Variants in HCRTR2 observed in about 807,000 individuals in gnomAD.
The protein encoded by HCRTR2 is orexin receptor type 2.
In HCRTR2, 22 loss-of-function variants were observed where a neutral mutation model predicts 49.0. The observed-to-expected ratio is 0.45, with a 90% CI of 0.32 to 0.64. HCRTR2 has a LOEUF of 0.64. Among genes scored for constraint, HCRTR2 ranks in the 30% least tolerant of loss-of-function variants. The probability of loss-of-function intolerance (pLI) is 0.04; values close to 1 mark genes in which losing one functional copy is unlikely to be tolerated. For synonymous variants in HCRTR2, 236 were observed against 205.3 expected (o/e 1.15, Z -1.28); for missense variants, 491 against 559.4 (o/e 0.88, Z 1.23).
At chr6:55,234,752 T>C (rs1766182568) in intron 1 of HCRTR2, among the ~76,000 whole-genome samples, 1 of 152,120 alleles carries the variant, frequency 6.6e-6, no homozygotes, top group Non-Finnish European at 1.5e-5. Flanking sequence ...GTGTAAAAAC[T>C]AGTACTGCAC....
chr6:55,113,849 G>A (rs1450519665), intron 1 of HCRTR2, among the ~76,000 whole-genome samples: 1 of 151,892 alleles, frequency 6.6e-6, no homozygotes, highest in Non-Finnish European at 1.5e-5. Flanking sequence ...GTGCATACAT[G>A]TTTATGGCAG....
chr6:55,108,836 AG>A (rs1322451979), intron 1 of HCRTR2, among the ~76,000 whole-genome samples: 1 of 152,070 alleles, frequency 6.6e-6, no homozygotes, highest in African/African-American at 2.4e-5. Flanking sequence ...GTTGGGGTGA[AG>A]GGAGAGAGCA....
intron 1 of HCRTR2, among the ~76,000 whole-genome samples, chr6:55,229,591 GA>G (rs1766076050): frequency 6.6e-6 from 1 of 152,126 alleles, no homozygotes; most frequent in Non-Finnish European, 1.5e-5. Context: ...CAACATCATA[GA>G]TGAACCTGCA....
intron 1 of HCRTR2, among the ~76,000 whole-genome samples, chr6:55,205,155 G>A (rs2127287388): frequency 6.6e-6 from 1 of 152,274 alleles, no homozygotes; most frequent in South Asian, 2.1e-4. Flanking sequence ...GAATATATGA[G>A]AATGGAGTTT....
At chr6:55,254,642 C>T (rs1766614970) in intron 2 of HCRTR2, among the ~76,000 whole-genome samples, 1 of 152,028 alleles carries the variant, frequency 6.6e-6, no homozygotes, top group African/African-American at 2.4e-5. Flanking sequence ...ATGAAATAAG[C>T]TACCCATAAT....
intron 1 of HCRTR2, among the ~76,000 whole-genome samples, chr6:55,241,857 A>G (rs1766338488): frequency 8.8e-6 from 1 of 113,206 alleles, no homozygotes; most frequent in South Asian, 2.7e-4. Flanking sequence ...TACTATGGCA[A>G]CTAATTTTTT....
chr6:55,227,909 T>A lies in HCRTR2; in HGVS notation c.224-20730T>A, dbSNP rs565321993. On this transcript the variant is annotated intron_variant, in intron 1 of 6. Transcript: ENST00000370862. ...GAAATAAGATAGGGTATAACAGTGA[T>A]TATTTTTCCTAATAAGTAGTGTCAT... 4.0e-4 allele frequency among the ~76,000 whole-genome samples: 61 copies of A among 152,296 alleles called. 1 individual carries two copies. In the South Asian group the frequency reaches 0.012, roughly 30 times the overall value.
intron 3 of HCRTR2, among the ~76,000 whole-genome samples, chr6:55,263,072 AG>A (rs56013615): frequency 0.041 from 6,274 of 152,020 alleles, 174 homozygotes; most frequent in Middle Eastern, 0.086. Context: ...TTTTAATAAA[AG>A]CATACACACA....
chr6:55,173,000 T>C (rs1445426899), upstream of HCRTR2, among the ~76,000 whole-genome samples: 1 of 152,190 alleles, frequency 6.6e-6, no homozygotes, highest in Admixed American at 6.5e-5. Flanking sequence ...TTGCAAGATA[T>C]TGACAATTGT....
At chr6:55,276,224 A>G (rs1767074391) in intron 4 of HCRTR2, among the ~76,000 whole-genome samples, 1 of 152,192 alleles carries the variant, frequency 6.6e-6, no homozygotes, top group Non-Finnish European at 1.5e-5. Context: ...TTTATCCGAT[A>G]TTTTCCATTC....
intron 1 of HCRTR2, among the ~76,000 whole-genome samples, chr6:55,166,978 T>C (rs1764886637): frequency 1.5e-5 from 2 of 129,692 alleles, no homozygotes; most frequent in Non-Finnish European, 3.3e-5. Flanking sequence ...ATTTCCAGAA[T>C]TGTCAGATCC....
At chr6:55,205,221 A>G (rs888794772) in intron 1 of HCRTR2, among the ~76,000 whole-genome samples, 6 of 152,230 alleles carry the variant, frequency 3.9e-5, no homozygotes, top group Non-Finnish European at 7.3e-5. Flanking sequence ...CATACTTGGT[A>G]TCTAAAGCTG....
intron 1 of HCRTR2, among the ~76,000 whole-genome samples, chr6:55,161,669 G>A (rs1764807736): frequency 1.3e-5 from 2 of 152,118 alleles, no homozygotes; most frequent in African/African-American, 4.8e-5. Flanking sequence ...TGATCCCACA[G>A]AAATACAAAC....
intron 3 of HCRTR2, among the ~76,000 whole-genome samples, chr6:55,258,472 G>A (rs577743357): frequency 6.6e-6 from 1 of 152,100 alleles, no homozygotes; most frequent in East Asian, 1.9e-4. Context: ...CCAGCAATAT[G>A]TAATTATATA....
At chr6:55,163,576 C>A (rs9475187) in intron 1 of HCRTR2, among the ~76,000 whole-genome samples, 5,304 of 152,138 alleles carry the variant, frequency 0.035, 304 homozygotes, top group African/African-American at 0.12. Flanking sequence ...TAGCCATATG[C>A]AGAAAACTGA....
chr6:55,284,595 C>T (rs1767251944), downstream of HCRTR2, among the ~76,000 whole-genome samples: 3 of 152,084 alleles, frequency 2.0e-5, no homozygotes. Flanking sequence ...ACCATCATCG[C>T]TACCGTCAAC....
At chr6:55,156,263 T>C (rs1581798361) in intron 1 of HCRTR2, among the ~76,000 whole-genome samples, 2 of 151,962 alleles carry the variant, frequency 1.3e-5, no homozygotes, top group African/African-American at 4.8e-5. Flanking sequence ...CCATTTCTAA[T>C]TACATTTTCC....
chr6:55,196,432 GATGATTAGAC>G lies in HCRTR2; in HGVS notation c.223+21625_223+21634del, dbSNP rs536009277. Reference sequence around the variant, plus strand: ...CCCCACCTAACCTTTAGCCACTTGGGATGATTAGACATAGAGGTGCCTAAGATCTTTCCCT... The same window carrying G: ...CCCCACCTAACCTTTAGCCACTTGGGATAGAGGTGCCTAAGATCTTTCCCT... On this transcript the variant is annotated intron_variant, in intron 1 of 6. Transcript: ENST00000370862. Among the ~76,000 whole-genome samples the G allele has an allele frequency of 2.7e-4, 41 of 152,252 alleles. No individual in the cohort carries two copies. The East Asian group carries it at 7.3e-3, about 27-fold the overall frequency.
intron 1 of HCRTR2, among the ~76,000 whole-genome samples, chr6:55,243,689 T>G (rs1766377166): frequency 6.6e-6 from 1 of 152,036 alleles, no homozygotes; most frequent in Non-Finnish European, 1.5e-5. Context: ...GTATTTTTGT[T>G]GGGAGAAAAG....
Sources: allele counts gnomAD v4.1 joint callset (sites outside exome capture counted in the v4.1 genomes callset), GRCh38; gene constraint gnomAD v4.1.1; transcripts MANE v1.5; gene names NCBI Gene and HGNC (gene_info 2026-07-23, HGNC 2026-07-21).